The following ROR1 variants were observed in gnomAD, a reference collection of about 807,000 sequenced individuals.
ROR1 encodes the protein inactive tyrosine-protein kinase transmembrane receptor ROR1.
Under a neutral mutation model 78.8 loss-of-function variants are expected in ROR1, and 19 were observed. The observed-to-expected ratio is 0.24, with a 90% CI of 0.17 to 0.35. The LOEUF is 0.35. Among genes scored for constraint, ROR1 ranks in the 10% least tolerant of loss-of-function variants. ROR1 has a pLI of 1.00. For missense variants in ROR1, 917 were observed against 1,177.8 expected (o/e 0.78, Z 3.24); for synonymous variants, 386 against 433.6 (o/e 0.89, Z 1.36).
At chr1:63,924,485 G>A (rs983676780) in intron 1 of ROR1, among the ~76,000 whole-genome samples, 1 of 152,146 alleles carries the variant, frequency 6.6e-6, no homozygotes, top group Non-Finnish European at 1.5e-5. Context: ...GGCCTGATGG[G>A]AAGGGGTGGG....
At chr1:63,916,081 C>T (rs1645607159) in intron 1 of ROR1, among the ~76,000 whole-genome samples, 1 of 152,114 alleles carries the variant, frequency 6.6e-6, no homozygotes, top group Non-Finnish European at 1.5e-5. Context: ...TTATGCTACT[C>T]CCAAAGCTTA....
chr1:63,852,892 C>CAAG (rs1404649437), intron 1 of ROR1, among the ~76,000 whole-genome samples: 1 of 152,104 alleles, frequency 6.6e-6, no homozygotes, highest in East Asian at 1.9e-4. Context: ...ATTTTATTAC[C>CAAG]AAGTTCTGTG....
At chr1:63,783,488 C>T (rs1314633582) in intron 1 of ROR1, among the ~76,000 whole-genome samples, 2 of 152,080 alleles carry the variant, frequency 1.3e-5, no homozygotes, top group African/African-American at 4.8e-5. Context: ...GTTCTTTAAG[C>T]GATTTAACTT....
intron 4 of ROR1, among the ~76,000 whole-genome samples, chr1:64,064,615 T>A (rs1241606676): frequency 6.6e-6 from 1 of 152,182 alleles, no homozygotes; most frequent in East Asian, 1.9e-4. Context: ...GCAGACAGCC[T>A]TGAAGAAACA....
intron 8 of ROR1, among the ~76,000 whole-genome samples, chr1:64,177,223 G>A (rs568825710): frequency 6.6e-6 from 1 of 152,334 alleles, no homozygotes; most frequent in Non-Finnish European, 1.5e-5. Context: ...CTGGGTTGAG[G>A]GAAAGGGATA....
intron 1 of ROR1, among the ~76,000 whole-genome samples, chr1:63,930,254 A>G (rs1007633948): frequency 6.6e-6 from 1 of 152,076 alleles, no homozygotes; most frequent in Non-Finnish European, 1.5e-5. Context: ...TGAACTGACT[A>G]AAGTCATTAT....
At chr1:64,119,347 G>A (rs1409094423) in intron 4 of ROR1, among the ~76,000 whole-genome samples, 1 of 152,088 alleles carries the variant, frequency 6.6e-6, no homozygotes, top group African/African-American at 2.4e-5. Context: ...CTTTTTAAAA[G>A]TGATGGCTGG....
chr1:63,846,441 A>G (rs1395614352), intron 1 of ROR1, among the ~76,000 whole-genome samples: 4 of 152,118 alleles, frequency 2.6e-5, no homozygotes, highest in African/African-American at 7.2e-5. Context: ...GGCCCTATTA[A>G]AGATGCCATG....
intron 4 of ROR1, among the ~76,000 whole-genome samples, chr1:64,117,430 T>G (rs1648353256): frequency 6.6e-6 from 1 of 152,172 alleles, no homozygotes; most frequent in African/African-American, 2.4e-5. Context: ...AAAAAGTATT[T>G]TTTTTTCTCT....
intron 4 of ROR1, among the ~76,000 whole-genome samples, chr1:64,069,430 T>C (rs1481191479): frequency 6.6e-6 from 1 of 152,108 alleles, no homozygotes; most frequent in African/African-American, 2.4e-5. Flanking sequence ...TGTTTAGGGC[T>C]AAAAATAGAA....
At chr1:64,164,001 T>C (rs1650017544) in intron 8 of ROR1, among the ~76,000 whole-genome samples, 1 of 151,974 alleles carries the variant, frequency 6.6e-6, no homozygotes, top group African/African-American at 2.4e-5. Context: ...TTAATTTCTC[T>C]GGAGCCTTTG....
intron 4 of ROR1, among the ~76,000 whole-genome samples, chr1:64,096,551 C>A (rs1433691658): frequency 6.6e-6 from 1 of 152,046 alleles, no homozygotes; most frequent in Non-Finnish European, 1.5e-5. Context: ...CGTCCATGGC[C>A]CTGCAAAGAA....
rs149932891 is a variant in ROR1 at position 64,055,033 on chromosome 1, A to G, written c.482+4317A>G. Among the ~76,000 whole-genome samples, 178 of 152,278 alleles carry G rather than the reference A, an allele frequency of 1.2e-3. 1 individual carries two copies. Among genetic ancestry groups the G allele is most frequent in the African/African-American group, 4.0e-3 (166 of 41,554 alleles). ...CACCAGTCATACTGTATTGGGATCC[A>G]CCGTGACGACCTCATTTTAACTTGA... On this transcript the variant is annotated intron_variant, in intron 4 of 8. Transcript: ENST00000371079.
intron 5 of ROR1, among the ~76,000 whole-genome samples, chr1:64,139,164 CAAAAAAAA>C (rs755368714): frequency 2.6e-3 from 53 of 20,664 alleles, no homozygotes; most frequent in East Asian, 0.016. Flanking sequence ...GAGACTGTCT[CAAAAAAAA>C]AAAAAAAAAA....
In ROR1 at chr1:63,974,781, A is replaced by G. The variant is rs1203554823; in HGVS notation, c.92-34524A>G. On this transcript the variant is annotated intron_variant, in intron 1 of 8. Transcript: ENST00000371079. Reference sequence around the variant, plus strand: ...GCCTCCTGAGTAGCTAGAACTATATAGGTGCACACCATCACCACCGGCTAC... The same window carrying G: ...GCCTCCTGAGTAGCTAGAACTATATGGGTGCACACCATCACCACCGGCTAC... Among the ~76,000 whole-genome samples the G allele has an allele frequency of 3.3e-5, 5 of 152,210 alleles. No homozygotes were observed. The East Asian group carries it at 9.7e-4, about 29-fold the overall frequency.
At chr1:64,108,831 G>C (rs78413851) in intron 4 of ROR1, among the ~76,000 whole-genome samples, 22,260 of 152,258 alleles carry the variant, frequency 0.15, 1,930 homozygotes, top group Non-Finnish European at 0.2. Flanking sequence ...GTTTCAACAA[G>C]CTTCTGTTAT....
chr1:64,129,588 C>A (rs1209640262), intron 4 of ROR1, among the ~76,000 whole-genome samples: 2 of 152,132 alleles, frequency 1.3e-5, no homozygotes, highest in East Asian at 1.9e-4. Context: ...GCAAAGCAGG[C>A]CCTTAACAGA....
intron 1 of ROR1, among the ~76,000 whole-genome samples, chr1:63,955,911 C>T (rs561245790): frequency 1.5e-4 from 23 of 152,268 alleles, no homozygotes; most frequent in African/African-American, 4.3e-4. Context: ...GGCCTTTGTG[C>T]GTGACCCATA....
chr1:63,839,129 A>G (rs1032641989), intron 1 of ROR1, among the ~76,000 whole-genome samples: 1 of 152,212 alleles, frequency 6.6e-6, no homozygotes. Flanking sequence ...GCTGTAATTC[A>G]TGCATTAATT....
Sources: allele counts gnomAD v4.1 joint callset (sites outside exome capture counted in the v4.1 genomes callset), GRCh38; gene constraint gnomAD v4.1.1; transcripts MANE v1.5; gene names NCBI Gene and HGNC (gene_info 2026-07-23, HGNC 2026-07-21).